Variants in EYS observed in about 807,000 individuals in gnomAD.
EYS encodes the protein protein eyes shut homolog.
A neutral mutation model predicts 282.1 loss-of-function variants in EYS; 250 were observed. The observed-to-expected ratio is 0.89, with a 90% CI of 0.80 to 0.98. The LOEUF is 0.98. Ranked by LOEUF, EYS falls within the 50% of genes least tolerant of loss-of-function variation. The pLI is 0.00. For synonymous variants in EYS, 1,355 were observed against 1,282.9 expected, an observed-to-expected ratio of 1.06 and a Z score of -1.20; for missense variants, 4,016 against 3,709.0, an observed-to-expected ratio of 1.08 and a Z score of -2.15.
At chr6:64,350,030 G>C (rs1771566089) in intron 29 of EYS, among the ~76,000 whole-genome samples, 1 of 151,530 alleles carries the variant, frequency 6.6e-6, no homozygotes, top group Admixed American at 6.6e-5. Context: ...CTAGTGTGTT[G>C]ACACTAGTAA....
rs146881646 is a variant in EYS, at chr6:64,186,582, G to C, written c.6424+44010C>G. Among the ~76,000 whole-genome samples the C allele has an allele frequency of 5.7e-3, 863 of 152,042 alleles. 5 individuals are homozygous for C. Among genetic ancestry groups the C allele is most frequent in the African/African-American group, 0.019 (806 of 41,474 alleles). ...TGGACCCCTTAAAAGAATATCACCA[G>C]GACTAAGACTTGTACTAGGAAATCA... On this transcript the variant is annotated intron_variant, in intron 31 of 42. Coordinates refer to ENST00000503581, the MANE Select transcript of EYS (RefSeq NM_001142800.2).
intron 33 of EYS, among the ~76,000 whole-genome samples, chr6:64,008,168 G>A (rs1333249579): frequency 1.3e-5 from 2 of 152,092 alleles, no homozygotes; most frequent in Non-Finnish European, 2.9e-5. Flanking sequence ...TGTGATAGGT[G>A]CATATATATT....
In EYS at chr6:64,593,149, G is replaced by A. The variant is rs527940153; in HGVS notation, c.3845C>T (p.Pro1282Leu). ...SFPSIKATRIPAIMDTYPVDQ... is the reference protein window; with the variant it reads ...SFPSIKATRILAIMDTYPVDQ... ...AACTGGGTAAGTGTCCATTATGGCT[G>A]GTATTCTAGTAGCCTTTATAGATGG... Residue 1282 changes from proline (P) to leucine (L), a missense_variant, in exon 25 of 43, where the codon CCA becomes CTA. Transcript: ENST00000503581. 34 of 1,541,004 alleles carry A rather than the reference G, an allele frequency of 2.2e-5. No homozygotes were observed. In the African/African-American group the frequency reaches 4.7e-4, roughly 21 times the overall value.
intron 36 of EYS, among the ~76,000 whole-genome samples, chr6:63,832,520 A>C (rs1771672610): frequency 6.6e-6 from 1 of 152,218 alleles, no homozygotes; most frequent in South Asian, 2.1e-4. Context: ...AACCAGGAAG[A>C]CGTTGAATCC....
chr6:65,077,502 C>T (rs979229894), intron 12 of EYS, among the ~76,000 whole-genome samples: 2 of 152,000 alleles, frequency 1.3e-5, no homozygotes, highest in African/African-American at 2.4e-5. Flanking sequence ...CTAATATAAA[C>T]GCAAATAAAT....
chr6:64,013,251 T>G (rs2149813265), intron 33 of EYS, among the ~76,000 whole-genome samples: 1 of 152,294 alleles, frequency 6.6e-6, no homozygotes, highest in South Asian at 2.1e-4. Flanking sequence ...ACTGTGATTT[T>G]CTTTCCGACT....
chr6:65,321,325 A>G (rs1013710485), intron 11 of EYS, among the ~76,000 whole-genome samples: 1 of 152,056 alleles, frequency 6.6e-6, no homozygotes, highest in Non-Finnish European at 1.5e-5. Flanking sequence ...TCCACAGGCT[A>G]AAAGAGGGTT....
chr6:63,865,179 A>C (rs992181356), intron 35 of EYS, among the ~76,000 whole-genome samples: 1 of 151,640 alleles, frequency 6.6e-6, no homozygotes, highest in East Asian at 1.9e-4. Context: ...CTCTGCTAGA[A>C]CTCTCCAGAG....
intron 2 of EYS, among the ~76,000 whole-genome samples, chr6:65,578,867 C>A (rs536429740): frequency 6.6e-6 from 1 of 152,118 alleles, no homozygotes; most frequent in Non-Finnish European, 1.5e-5. Context: ...AATGTTCTTG[C>A]ATATTGACTG....
At chr6:64,316,734 A>G (rs781158106) in intron 29 of EYS, among the ~76,000 whole-genome samples, 2 of 152,190 alleles carry the variant, frequency 1.3e-5, no homozygotes, top group Non-Finnish European at 2.9e-5. Flanking sequence ...ATATCAAACC[A>G]AAAAAGATCC....
Position 65,589,644 on chromosome 6 carries a change from C to T in EYS, c.-333+50134G>A, listed in dbSNP as rs77992533. On this transcript the variant is annotated intron_variant, in intron 2 of 42. Coordinates refer to ENST00000503581, the MANE Select transcript of EYS (RefSeq NM_001142800.2). ...CAGATTATTATTTTTTAGAAATTGG[C>T]TACATTCTAGAATGCCTAGAAAACC... is the stretch of plus-strand genomic sequence containing the variant. Among the ~76,000 whole-genome samples, 608 of 151,912 alleles carry T rather than the reference C, an allele frequency of 4.0e-3. 3 individuals carry two copies. Among genetic ancestry groups the T allele is most frequent in the Non-Finnish European group, 6.9e-3 (468 of 67,940 alleles).
At chr6:65,002,815 A>G (rs1039370452) in intron 13 of EYS, among the ~76,000 whole-genome samples, 5 of 147,580 alleles carry the variant, frequency 3.4e-5, no homozygotes, top group Non-Finnish European at 7.6e-5. Flanking sequence ...TAATACTTTT[A>G]TAATTTCTTA....
intron 5 of EYS, among the ~76,000 whole-genome samples, chr6:65,436,049 C>A (rs34148512): frequency 0.1 from 15,946 of 151,952 alleles, 1,121 homozygotes; most frequent in South Asian, 0.19. Flanking sequence ...ATTGTCCTAA[C>A]AAATCAATAT....
chr6:64,272,970 A>T (rs1582517636), intron 30 of EYS, among the ~76,000 whole-genome samples: 1 of 152,088 alleles, frequency 6.6e-6, no homozygotes, highest in Non-Finnish European at 1.5e-5. Flanking sequence ...TATCTTATTC[A>T]TTCCCTTAAT....
chr6:65,523,243 T>C (rs756375658), intron 2 of EYS, among the ~76,000 whole-genome samples: 3 of 151,966 alleles, frequency 2.0e-5, no homozygotes, highest in African/African-American at 7.3e-5. Context: ...CCTCAAAACA[T>C]CATACTGTAA....
chr6:63,936,902 C>T (rs910390579), intron 35 of EYS, among the ~76,000 whole-genome samples: 3 of 152,092 alleles, frequency 2.0e-5, no homozygotes, highest in Non-Finnish European at 4.4e-5. Context: ...GAAATTATAA[C>T]ATGTCATGAG....
chr6:64,531,850 G>A (rs1426477963), intron 26 of EYS, among the ~76,000 whole-genome samples: 3 of 152,016 alleles, frequency 2.0e-5, no homozygotes, highest in Non-Finnish European at 4.4e-5. Flanking sequence ...CTACCCATTC[G>A]AAACTCTTTC....
At chr6:64,411,971 A>ATGCATATATGTATATATGTTTATATATGC (rs1773914348) in intron 28 of EYS, among the ~76,000 whole-genome samples, 1 of 148,414 alleles carries the variant, frequency 6.7e-6, no homozygotes, top group African/African-American at 2.5e-5. Flanking sequence ...ATATATATAC[A>ATGCATATATGTATATATGTTTATATATGC]AGTATATATA....
intron 13 of EYS, among the ~76,000 whole-genome samples, chr6:65,018,668 T>G (rs1772139174): frequency 6.6e-6 from 1 of 152,334 alleles, no homozygotes; most frequent in Admixed American, 6.5e-5. Flanking sequence ...GAGGTTTTTC[T>G]GTATGTTGGT....
Sources: gnomAD v4.1 joint callset for allele counts (sites outside exome capture counted in the v4.1 genomes callset) on GRCh38, gnomAD v4.1.1 for gene constraint, MANE v1.5 for transcripts, NCBI Gene and HGNC (gene_info 2026-07-23, HGNC 2026-07-21) for gene names.